Variants in MPPE1 observed in about 807,000 individuals in gnomAD.
MPPE1 encodes the protein metallophosphoesterase 1.
MPPE1 carries 28 observed loss-of-function variants against 43.8 expected under a neutral mutation model. The ratio of observed to expected loss-of-function variants is 0.64; its 90% CI spans 0.47 to 0.88. The LOEUF is 0.88. Among genes scored for constraint, MPPE1 ranks in the 40% least tolerant of loss-of-function variants. MPPE1 has a pLI of 0.00. For missense variants in MPPE1, 428 were observed against 492.2 expected, an observed-to-expected ratio of 0.87 and a Z score of 1.23; for synonymous variants, 159 against 188.5, an observed-to-expected ratio of 0.84 and a Z score of 1.28.
chr18:11,904,985 T>C (rs1465743532), intron 2 of MPPE1, among the ~76,000 whole-genome samples: 4 of 151,126 alleles, frequency 2.6e-5, no homozygotes, highest in South Asian at 2.1e-4. Context: ...CAAAAACCTA[T>C]TTAGAAAACT....
rs760970409 is a variant in MPPE1, at chr18:11,885,748, G to A, written c.936C>T (p.His312=). The A allele has an allele frequency of 6.2e-6, 10 of 1,613,908 alleles. No homozygotes were observed. Among genetic ancestry groups the A allele is most frequent in the South Asian group, 4.4e-5 (4 of 91,088 alleles). Residue 312 remains histidine, a synonymous_variant, in exon 10 of 11, where the codon CAC becomes CAT. Coordinates refer to ENST00000588072, the MANE Select transcript of MPPE1 (RefSeq NM_023075.6). ...CGCTGAGCTCGGGGACTCGGCCCCCGTGGTGCACCTCGCAGGCGCTGTGCG... is the reference window on the plus strand; with the variant it reads ...CGCTGAGCTCGGGGACTCGGCCCCCATGGTGCACCTCGCAGGCGCTGTGCG... The part of the protein sequence containing the change: ...GHTHSACEVH[H]GGRVPELSVP...
At chr18:11,885,450 C>T (rs984665580) in intron 10 of MPPE1, 9 of 553,620 alleles carry the variant, frequency 1.6e-5, no homozygotes, top group African/African-American at 7.5e-5. Flanking sequence ...TCCACCTGGA[C>T]GGTGCCCTGC....
intron 3 of MPPE1, among the ~76,000 whole-genome samples, chr18:11,894,801 G>C (rs1463696045): frequency 6.6e-6 from 1 of 152,008 alleles, no homozygotes; most frequent in Non-Finnish European, 1.5e-5. Context: ...TGTTGGTCAG[G>C]CTGGTCTCGA....
chr18:11,883,732 T>C lies in MPPE1; in HGVS notation c.*713A>G, dbSNP rs905122787. 3 of 152,228 alleles carry C rather than the reference T, an allele frequency of 2.0e-5. No homozygotes were observed. Among genetic ancestry groups the C allele is most frequent in the East Asian group, 1.9e-4 (1 of 5,196 alleles). The allele number at this position is 152,228 out of a possible 1,614,324, so 9.4% of individuals were successfully genotyped here. ...TATTTTTTGAGACGGAGTCTCACTCTGTTGCCCAGGCTGGAGTGCAGTGGC... is the reference window on the plus strand; with the variant it reads ...TATTTTTTGAGACGGAGTCTCACTCCGTTGCCCAGGCTGGAGTGCAGTGGC... On this transcript the variant is annotated 3_prime_UTR_variant, in exon 11 of 11. Transcript: ENST00000588072.
At chr18:11,894,161 G>A (rs949921574) in intron 3 of MPPE1, among the ~76,000 whole-genome samples, 2 of 152,132 alleles carry the variant, frequency 1.3e-5, no homozygotes, top group Non-Finnish European at 2.9e-5. Flanking sequence ...GGGTATGGTG[G>A]CTCATGCCTG....
chr18:11,884,822 C>A, intron 10 of MPPE1, 195 bp from the exon 11 acceptor site: 1 of 1,396,324 alleles, frequency 7.2e-7, no homozygotes, highest in Non-Finnish European at 9.3e-7. Context: ...CAGGCTCCAG[C>A]AGGAGAGACA....
chr18:11,892,636 G>A (rs1426613310), intron 4 of MPPE1, among the ~76,000 whole-genome samples: 4 of 150,140 alleles, frequency 2.7e-5, no homozygotes, highest in Non-Finnish European at 3.0e-5. Context: ...TTGCGCCATT[G>A]CACTCCAGCC....
intron 2 of MPPE1, among the ~76,000 whole-genome samples, chr18:11,900,732 C>A (rs1351053851): frequency 6.6e-6 from 1 of 151,246 alleles, no homozygotes; most frequent in Non-Finnish European, 1.5e-5. Flanking sequence ...ACGGTGAAAC[C>A]CCATCTCTAC....
At position 11,889,320 on chromosome 18, in the gene MPPE1, T is replaced by G. The variant is rs2037696312; in HGVS notation, c.494+67A>C. The G allele has an allele frequency of 4.8e-6, 5 of 1,043,670 alleles. No individual in the cohort carries two copies. The African/African-American group carries it at 4.8e-5, about 10-fold the overall frequency. 64.7% of individuals were successfully genotyped at this position (1,043,670 alleles called of 1,614,324 possible). ...AGCACAAATAGGGCTTTCACCTGAA[T>G]TCCAACAGATTTAGAATTACAGTTA... On this transcript the variant is annotated intron_variant, in intron 5 of 10. Transcript: ENST00000588072.
At chr18:11,893,382 C>A in intron 4 of MPPE1, 86 bp downstream of exon 4, 1 of 911,256 alleles carries the variant, frequency 1.1e-6, no homozygotes. Flanking sequence ...ATCTCCAGCT[C>A]AAGCTGACAC....
intron 10 of MPPE1, 109 bp downstream of exon 10, chr18:11,885,567 G>A: frequency 7.4e-7 from 1 of 1,348,180 alleles, no homozygotes; most frequent in South Asian, 1.4e-5. Flanking sequence ...AGAGAAATTT[G>A]TGTGTGGCTT....
intron 5 of MPPE1, 100 bp from the exon 6 acceptor site, chr18:11,888,843 A>C (rs1473163340): frequency 3.2e-6 from 2 of 626,202 alleles, no homozygotes; most frequent in African/African-American, 3.9e-5. Flanking sequence ...CTTGAGTTTC[A>C]GACTAGCATT....
intron 3 of MPPE1, among the ~76,000 whole-genome samples, chr18:11,894,148 G>C (rs2038310062): frequency 6.6e-6 from 1 of 152,146 alleles, no homozygotes; most frequent in Non-Finnish European, 1.5e-5. Context: ...GAGCCTGGAG[G>C]CTGGGTATGG....
chr18:11,904,160 C>T (rs1815847), intron 2 of MPPE1, among the ~76,000 whole-genome samples: 57,117 of 151,798 alleles, frequency 0.38, 13,720 homozygotes, highest in African/African-American at 0.67. Context: ...GGAAGGAGGA[C>T]AGTAGAAAAG....
chr18:11,906,790 G>T (rs1567986256), intron 1 of MPPE1, among the ~76,000 whole-genome samples: 1 of 148,306 alleles, frequency 6.7e-6, no homozygotes, highest in Non-Finnish European at 1.5e-5. Flanking sequence ...GGAGGCGGAG[G>T]TTGTAGTGAG....
intron 5 of MPPE1, among the ~76,000 whole-genome samples, chr18:11,889,131 T>C (rs1024597438): frequency 5.3e-5 from 8 of 152,336 alleles, no homozygotes; most frequent in African/African-American, 1.9e-4. Context: ...AAGACAATAA[T>C]TGGCCATTAA....
chr18:11,885,986 AC>A, intron 9 of MPPE1, 170 bp from the exon 10 acceptor site: 3 of 575,388 alleles, frequency 5.2e-6, no homozygotes, highest in Non-Finnish European at 8.0e-6. Flanking sequence ...TGGTTTATTT[AC>A]ACTAAATCAA....
Position 11,886,304 on chromosome 18 carries a change from G to GA in MPPE1, c.867+194dup, listed in dbSNP as rs34314512. ...GTAGGAAACAGAAGTAGGTTTACTG[G>GA]AAAAAAAAAAAGCGATTAAATGAAA... On this transcript the variant is annotated intron_variant, in intron 9 of 10. Coordinates refer to ENST00000588072, the MANE Select transcript of MPPE1 (RefSeq NM_023075.6). This position sits in a 1 kb window ranked among gnomAD's most constrained non-coding sequence, Gnocchi z 4.1. 0.035 allele frequency: 18,787 copies of GA among 531,856 alleles called. 9 individuals are homozygous for GA. Among genetic ancestry groups the GA allele is most frequent in the Non-Finnish European group, 0.04 (12,633 of 317,010 alleles). 32.9% of individuals were successfully genotyped at this position (531,856 alleles called of 1,614,324 possible). A position where few individuals can be genotyped will look rare whatever the true frequency, so the allele number is the denominator to read the frequency against.
intron 2 of MPPE1, among the ~76,000 whole-genome samples, chr18:11,901,262 C>G (rs2849410): frequency 6.6e-6 from 1 of 151,480 alleles, no homozygotes; most frequent in African/African-American, 2.4e-5. Flanking sequence ...CAGAGTTTCT[C>G]TCCCATCACC....
Sources: allele counts gnomAD v4.1 joint callset (sites outside exome capture counted in the v4.1 genomes callset), GRCh38; gene constraint gnomAD v4.1.1; non-coding constraint Gnocchi (gnomAD v3.1); transcripts MANE v1.5; gene names NCBI Gene and HGNC (gene_info 2026-07-23, HGNC 2026-07-21).